Variants in WDR27 observed in about 807,000 individuals in gnomAD.
WDR27 encodes WD repeat-containing protein 27.
WDR27 carries 100 observed loss-of-function variants against 114.4 expected under a neutral mutation model. The ratio of observed to expected loss-of-function variants is 0.87; its 90% CI spans 0.74 to 1.03. The LOEUF (loss-of-function observed/expected upper bound fraction) is 1.03, where lower values mean the gene tolerates loss of function less well. Ranked by LOEUF, WDR27 falls within the 50% of genes least tolerant of loss-of-function variation. WDR27 has a pLI of 0.00. For missense variants in WDR27, 1,129 were observed against 1,092.9 expected, an observed-to-expected ratio of 1.03 and a Z score of -0.47; for synonymous variants, 449 against 423.1, an observed-to-expected ratio of 1.06 and a Z score of -0.75.
intron 25 of WDR27, among the ~76,000 whole-genome samples, chr6:169,518,978 A>C (rs1794023584): frequency 6.6e-6 from 1 of 152,182 alleles, no homozygotes; most frequent in Non-Finnish European, 1.5e-5. Flanking sequence ...CTGAAGTTCA[A>C]ATTTCCACAA....
chr6:169,468,077 G>C (rs181876537), intron 25 of WDR27, among the ~76,000 whole-genome samples: 6 of 152,286 alleles, frequency 3.9e-5, no homozygotes, highest in Admixed American at 3.3e-4. Context: ...GCAAAATGCT[G>C]CCCATCTCTT....
At chr6:169,448,474 GAGA>G in the WDR27 span, among the ~76,000 whole-genome samples, 39 of 151,966 alleles carry the variant, frequency 2.6e-4, no homozygotes, top group African/African-American at 8.9e-4. Context: ...GGTGCATAAA[GAGA>G]AGGAGTATGA....
chr6:169,456,749 C>T (rs565709839), downstream of WDR27, among the ~76,000 whole-genome samples: 16 of 151,396 alleles, frequency 1.1e-4, no homozygotes, highest in Middle Eastern at 3.4e-3. This position sits in a 1 kb window ranked among gnomAD's most constrained non-coding sequence, Gnocchi z 4.0. Context: ...GCAGAGGCCA[C>T]GGTCACCACA....
At chr6:169,578,488 G>A (rs1190043581) in intron 24 of WDR27, among the ~76,000 whole-genome samples, 2 of 152,098 alleles carry the variant, frequency 1.3e-5, no homozygotes, top group Non-Finnish European at 2.9e-5. Context: ...AATACGAATG[G>A]CAGGAACAAG....
intron 21 of WDR27, among the ~76,000 whole-genome samples, chr6:169,617,233 C>T (rs923474849): frequency 1.3e-5 from 2 of 151,996 alleles, no homozygotes; most frequent in African/African-American, 4.8e-5. Context: ...AGGGGTGTCC[C>T]AAAGGGAAAA....
chr6:169,596,475 T>A (rs776989267), intron 23 of WDR27, among the ~76,000 whole-genome samples: 12 of 152,128 alleles, frequency 7.9e-5, no homozygotes, highest in Non-Finnish European at 1.6e-4. Flanking sequence ...GTCTAGCAAT[T>A]TCTGATGTTT....
At chr6:169,429,428 TC>T in the WDR27 span, among the ~76,000 whole-genome samples, 246 of 112,960 alleles carry the variant, frequency 2.2e-3, 2 homozygotes, top group Middle Eastern at 4.8e-3. Flanking sequence ...CAAGACTGAG[TC>T]CTTTTTTTTT....
intron 25 of WDR27, among the ~76,000 whole-genome samples, chr6:169,473,457 GA>G (rs1786701168): frequency 7.0e-6 from 1 of 143,292 alleles, no homozygotes; most frequent in Non-Finnish European, 1.5e-5. Context: ...GGGATGTTAG[GA>G]GTCTCTTGGG....
intron 25 of WDR27, among the ~76,000 whole-genome samples, chr6:169,469,881 A>C (rs1463382728): frequency 6.6e-6 from 1 of 152,214 alleles, no homozygotes; most frequent in Non-Finnish European, 1.5e-5. Flanking sequence ...AATCTCTTTA[A>C]CAAATGTTTT....
At chr6:169,567,289 C>T (rs1177937852) in intron 25 of WDR27, among the ~76,000 whole-genome samples, 3 of 152,152 alleles carry the variant, frequency 2.0e-5, no homozygotes, top group Admixed American at 1.3e-4. Flanking sequence ...TGTGAGGAGT[C>T]CAGGTTGGCG....
intron 17 of WDR27, among the ~76,000 whole-genome samples, chr6:169,642,754 T>C (rs1819554963): frequency 6.6e-6 from 1 of 152,194 alleles, no homozygotes; most frequent in African/African-American, 2.4e-5. Flanking sequence ...AGGTGTGGCC[T>C]TGCCTAGGCC....
At chr6:169,500,150 T>C (rs1178500515) in intron 25 of WDR27, among the ~76,000 whole-genome samples, 4 of 152,294 alleles carry the variant, frequency 2.6e-5, no homozygotes, top group East Asian at 1.9e-4. Flanking sequence ...CATGAGGGAA[T>C]TGCAGAGATT....
intron 25 of WDR27, among the ~76,000 whole-genome samples, chr6:169,545,281 G>T (rs1050291387): frequency 2.6e-5 from 4 of 152,224 alleles, no homozygotes; most frequent in Admixed American, 6.5e-5. Context: ...TGATAAAGGT[G>T]TAAAACAAAT....
rs1311053225 is a variant in WDR27 at position 169,457,304 on chromosome 6, T to C, written c.*288A>G. ...CAAACAAATACTATATTATGTTTTA[T>C]TGAAAGATATTTTGTTTTAACTTTA... On this transcript the variant is annotated 3_prime_UTR_variant, in exon 26 of 26. Transcript: ENST00000448612. 3.3e-6 allele frequency: 1 copy of C among 301,154 alleles called. No homozygotes were observed. The highest frequency in any genetic ancestry group is 6.1e-6 in the Non-Finnish European group (1 of 163,008). 18.7% of individuals were successfully genotyped at this position (301,154 alleles called of 1,614,324 possible). A position where few individuals can be genotyped will look rare whatever the true frequency, so the allele number is the denominator to read the frequency against.
At chr6:169,436,599 G>A in the WDR27 span, among the ~76,000 whole-genome samples, 3 of 152,014 alleles carry the variant, frequency 2.0e-5, no homozygotes, top group African/African-American at 7.2e-5. Flanking sequence ...TTTTCATAAA[G>A]TATGTGTAAT....
chr6:169,666,870 T>C (rs889141578), intron 6 of WDR27: 1 of 985,352 alleles, frequency 1.0e-6, no homozygotes, highest in African/African-American at 1.7e-5. Flanking sequence ...AGGCATTTTA[T>C]CTGACAGCAA....
intron 2 of WDR27, among the ~76,000 whole-genome samples, chr6:169,674,063 A>G (rs1160073817): frequency 6.6e-6 from 1 of 152,244 alleles, no homozygotes; most frequent in Non-Finnish European, 1.5e-5. Flanking sequence ...CAGTGCCCTG[A>G]GCATGACTGG....
chr6:169,450,850 C>G, the WDR27 span, among the ~76,000 whole-genome samples: 1 of 151,906 alleles, frequency 6.6e-6, no homozygotes, highest in East Asian at 1.9e-4. Context: ...GCATGGAACA[C>G]CACCATCTAT....
At chr6:169,487,173 G>C (rs1159668625) in intron 25 of WDR27, among the ~76,000 whole-genome samples, 1 of 152,186 alleles carries the variant, frequency 6.6e-6, no homozygotes, top group Non-Finnish European at 1.5e-5. Flanking sequence ...TCTTCGGAGG[G>C]TTCATGTGAG....
Sources: gnomAD v4.1 joint callset for allele counts (sites outside exome capture counted in the v4.1 genomes callset) on GRCh38, gnomAD v4.1.1 for gene constraint, Gnocchi (gnomAD v3.1) non-coding constraint, MANE v1.5 for transcripts, NCBI Gene and HGNC (gene_info 2026-07-23, HGNC 2026-07-21) for gene names.